The following ARMCX4 variants were observed in gnomAD, a reference collection of about 807,000 sequenced individuals.
ARMCX4 encodes armadillo repeat-containing X-linked protein 4.
Under a neutral mutation model 34.7 loss-of-function variants are expected in ARMCX4, and 3 were observed. The ratio of observed to expected loss-of-function variants is 0.09; its 90% CI spans 0.04 to 0.22. ARMCX4 has a LOEUF of 0.22. Ranked by LOEUF, ARMCX4 falls within the 10% of genes least tolerant of loss-of-function variation. ARMCX4 has a pLI of 1.00. For synonymous variants in ARMCX4, 513 were observed against 632.8 expected (o/e 0.81, Z 2.84); for missense variants, 1,448 against 1,720.8 (o/e 0.84, Z 2.81).
chrX:101,420,999 A>G (rs1929204346), intron 2 of ARMCX4, among the ~76,000 whole-genome samples: 1 of 110,858 alleles, frequency 9.0e-6, no homozygotes, highest in Admixed American at 9.6e-5. Context: ...GGCATTCGAG[A>G]CCAGCCTGGC....
chrX:101,428,769 G>A (rs1555991407), intron 2 of ARMCX4, among the ~76,000 whole-genome samples: 1 of 111,107 alleles, frequency 9.0e-6, no homozygotes, highest in Non-Finnish European at 1.9e-5. Context: ...AGAAGTCTGT[G>A]GTTAAAGAAT....
chrX:101,465,486 A>G (rs1932778154), intron 4 of ARMCX4, among the ~76,000 whole-genome samples: 1 of 112,298 alleles, frequency 8.9e-6, no homozygotes, highest in South Asian at 3.6e-4. Flanking sequence ...AGGAAGATCA[A>G]ATAATTCTAA....
At chrX:101,479,426 G>T (rs1556004963) in intron 4 of ARMCX4, among the ~76,000 whole-genome samples, 1 of 108,463 alleles carries the variant, frequency 9.2e-6, no homozygotes, top group East Asian at 2.9e-4. Flanking sequence ...ACATGACCCT[G>T]GGTGAAAATA....
downstream of ARMCX4, among the ~76,000 whole-genome samples, chrX:101,450,718 A>G (rs138867283): frequency 4.1e-3 from 459 of 111,970 alleles, 2 homozygotes; most frequent in African/African-American, 0.013. Context: ...CAAGGCCCAT[A>G]GTGTACTTTC....
chrX:101,512,198 A>G (rs55917049), intron 11 of ARMCX4, among the ~76,000 whole-genome samples: 48,977 of 109,565 alleles, frequency 0.45, 9,096 homozygotes, highest in Non-Finnish European at 0.58. Flanking sequence ...CCTGGCCAGC[A>G]TGGCGAAACC....
chrX:101,428,997 G>A (rs1482404239), intron 2 of ARMCX4, among the ~76,000 whole-genome samples: 2 of 104,682 alleles, frequency 1.9e-5, no homozygotes, highest in Non-Finnish European at 3.9e-5. Context: ...TCAGCCTCCC[G>A]AGTGGCATGT....
intron 11 of ARMCX4, among the ~76,000 whole-genome samples, chrX:101,513,910 GTAT>G (rs1327875607): frequency 9.0e-6 from 1 of 110,840 alleles, no homozygotes; most frequent in Non-Finnish European, 1.9e-5. Flanking sequence ...ATTAGTACTA[GTAT>G]TAGTACTAAG....
intron 2 of ARMCX4, among the ~76,000 whole-genome samples, chrX:101,432,761 C>T (rs868976550): frequency 1.2e-5 from 1 of 85,324 alleles, no homozygotes; most frequent in Admixed American, 1.3e-4. Flanking sequence ...TGTATATACA[C>T]GTATATATGT....
chrX:101,494,284 A>T lies in ARMCX4; in HGVS notation c.5695A>T (p.Ser1899Cys). The T allele has an allele frequency of 8.7e-7, 1 of 1,155,267 alleles. No homozygotes were observed. Among genetic ancestry groups the T allele is most frequent in the Non-Finnish European group, 1.1e-6 (1 of 872,634 alleles). ...GTCCAGCCCTGATATTGAGGAGATC[A>T]GTTTAAGGTCTTTGTTTTGGGCTGA... ...RESSPDIEEI[S>C]LRSLFWAESE... is the part of the protein sequence containing the mutation. The change falls in exon 6 of 6, where the codon AGT (serine) becomes TGT (cysteine). Residue 1899 changes from serine (S) to cysteine (C), a missense_variant. Transcript: ENST00000423738.
At chrX:101,519,853 T>C (rs1556018698) in intron 11 of ARMCX4, among the ~76,000 whole-genome samples, 1 of 111,207 alleles carries the variant, frequency 9.0e-6, no homozygotes, top group East Asian at 2.8e-4. Flanking sequence ...TTTTTGATAA[T>C]AGACATTCTA....
Position 101,494,051 on chromosome X carries a change from C to CTGGGGCTGGGGT in ARMCX4, c.5464_5465insGGGCTGGGGTTG (p.Ala1821_Glu1822insGlyAlaGlyVal). ...GCTGGGGCTGAGGCTGGGGCTGGGG[C>CTGGGGCTGGGGT]TGAGGCTGGGGCTGGGGCTGGGGCT... is the stretch of plus-strand genomic sequence containing the variant. On this transcript the variant is annotated inframe_insertion, in exon 6 of 6. Transcript: ENST00000423738. The CTGGGGCTGGGGT allele has an allele frequency of 6.2e-6, 2 of 323,902 alleles. No homozygotes were observed. Among genetic ancestry groups the CTGGGGCTGGGGT allele is most frequent in the Non-Finnish European group, 9.3e-6 (2 of 213,954 alleles). The allele number at this position is 323,902 out of a possible 1,213,427, so 26.7% of individuals were successfully genotyped here.
chrX:101,523,687 G>A (rs888830496), intron 11 of ARMCX4, among the ~76,000 whole-genome samples: 4 of 111,557 alleles, frequency 3.6e-5, no homozygotes, highest in Admixed American at 2.9e-4. Flanking sequence ...AGGTGGTTCA[G>A]TATTCAGGGT....
At position 101,494,036 on chromosome X, in the gene ARMCX4, A is replaced by AGGCTGG. The variant is rs1569338191; in HGVS notation, c.5459_5464dup (p.Gly1820_Ala1821dup). Reference sequence around the variant, plus strand: ...GGGGCTGAGGCTGGGGCTGGGGCTGAGGCTGGGGCTGGGGCTGAGGCTGGG... The same window carrying AGGCTGG: ...GGGGCTGAGGCTGGGGCTGGGGCTGAGGCTGGGGCTGGGGCTGGGGCTGAGGCTGGG... On this transcript the variant is annotated inframe_insertion, in exon 6 of 6. Transcript: ENST00000423738. 4 of 238,564 alleles carry AGGCTGG rather than the reference A, an allele frequency of 1.7e-5. No homozygotes were observed. Among genetic ancestry groups the AGGCTGG allele is most frequent in the South Asian group, 8.2e-5 (1 of 12,265 alleles). The allele number at this position is 238,564 out of a possible 1,213,427, so 19.7% of individuals were successfully genotyped here.
At chrX:101,515,343 T>TTTTCCTTC (rs1556017373) in intron 11 of ARMCX4, among the ~76,000 whole-genome samples, 2 of 17,004 alleles carry the variant, frequency 1.2e-4, no homozygotes, top group African/African-American at 5.2e-4. Flanking sequence ...TTTCCTTTCC[T>TTTTCCTTC]TTTCTTTCTT....
chrX:101,470,001 T>C (rs1781973087), intron 4 of ARMCX4, among the ~76,000 whole-genome samples: 1 of 112,244 alleles, frequency 8.9e-6, no homozygotes, highest in African/African-American at 3.2e-5. Flanking sequence ...CTGGGCACAC[T>C]GCCTATGGGT....
In ARMCX4 at chrX:101,492,744, T is replaced by C; in HGVS notation, c.4155T>C (p.Gly1385=). ...GAWAGTLDQS[G]GGSKPRFENQ... ...GGGCTGGGACACTTGATCAGTCTGGTGGTGGGTCCAAGCCTAGATTTGAAA... is the reference window on the plus strand; with the variant it reads ...GGGCTGGGACACTTGATCAGTCTGGCGGTGGGTCCAAGCCTAGATTTGAAA... The change falls in exon 6 of 6, where the codon GGT becomes GGC. Residue 1385 remains glycine, a synonymous_variant. Transcript: ENST00000423738. 1 of 1,131,987 alleles carries C rather than the reference T, an allele frequency of 8.8e-7. No individual in the cohort carries two copies. The highest frequency in any genetic ancestry group is 1.2e-6 in the Non-Finnish European group (1 of 859,039). 93.3% of individuals were successfully genotyped at this position (1,131,987 alleles called of 1,213,427 possible). A position where few individuals can be genotyped will look rare whatever the true frequency, so the allele number is the denominator to read the frequency against.
chrX:101,437,242 C>G (rs1479790982), intron 2 of ARMCX4, among the ~76,000 whole-genome samples: 1 of 111,873 alleles, frequency 8.9e-6, no homozygotes, highest in East Asian at 2.8e-4. Flanking sequence ...CCTTGTACCT[C>G]TGGCAGAATT....
At chrX:101,429,097 G>A (rs1361662481) in intron 2 of ARMCX4, among the ~76,000 whole-genome samples, 1 of 109,188 alleles carries the variant, frequency 9.2e-6, no homozygotes, top group Non-Finnish European at 1.9e-5. Flanking sequence ...TGGGCTCAAG[G>A]AATCCTCCTG....
At chrX:101,452,314 A>G (rs1248841217), downstream of ARMCX4, among the ~76,000 whole-genome samples, 1 of 111,846 alleles carries the variant, frequency 8.9e-6, no homozygotes, top group Non-Finnish European at 1.9e-5. Flanking sequence ...TACGTGCTAC[A>G]TGACTCAGAT....
Sources: allele counts gnomAD v4.1 joint callset (sites outside exome capture counted in the v4.1 genomes callset), GRCh38; gene constraint gnomAD v4.1.1; transcripts MANE v1.5; gene names NCBI Gene and HGNC (gene_info 2026-07-23, HGNC 2026-07-21).